Variants in CHCHD1 observed in about 807,000 individuals in gnomAD.
CHCHD1 encodes small ribosomal subunit protein mS37.
Under a neutral mutation model 12.7 loss-of-function variants are expected in CHCHD1, and 12 were observed. The observed-to-expected ratio is 0.95, with a 90% CI of 0.61 to 1.53. The LOEUF (loss-of-function observed/expected upper bound fraction) is 1.53, where lower values mean the gene tolerates loss of function less well. Ranked by LOEUF, CHCHD1 falls within the 40% of genes most tolerant of loss-of-function variation. The pLI is 0.00. For missense variants in CHCHD1, 151 were observed against 155.8 expected (o/e 0.97, Z 0.17); for synonymous variants, 57 against 62.4 (o/e 0.91, Z 0.41).
chr10:73,783,240 A>G lies in CHCHD1; in HGVS notation c.*53A>G, dbSNP rs747499979. The stretch of plus-strand genomic sequence containing the variant: ...AATATAGCTTCTGACAACTATGCAG[A>G]GGCATTTTAGAGACATTGGCATTGC... On this transcript the variant is annotated 3_prime_UTR_variant, in exon 3 of 3. Coordinates refer to ENST00000372833, the MANE Select transcript of CHCHD1 (RefSeq NM_203298.3). 3.6e-5 allele frequency: 50 copies of G among 1,390,734 alleles called. No homozygotes were observed. The highest frequency in any genetic ancestry group is 4.8e-5 in the Non-Finnish European group (47 of 984,958). The allele number at this position is 1,390,734 out of a possible 1,614,324, so 86.1% of individuals were successfully genotyped here. A position where few individuals can be genotyped will look rare whatever the true frequency, so the allele number is the denominator to read the frequency against.
chr10:73,782,389 A>C lies in CHCHD1; in HGVS notation c.191A>C (p.Asp64Ala). 1 of 1,614,204 alleles carries C rather than the reference A, an allele frequency of 6.2e-7. No homozygotes were observed. Among genetic ancestry groups the C allele is most frequent in the Non-Finnish European group, 8.5e-7 (1 of 1,180,036 alleles). ...TGGAAGCAGAATGAATTCCGCGACGATGCGTGCAGAAAAGAGATCCAGGGC... is the reference window on the plus strand; with the variant it reads ...TGGAAGCAGAATGAATTCCGCGACGCTGCGTGCAGAAAAGAGATCCAGGGC... ...ACWKQNEFRDDACRKEIQGFL... is the reference protein window; with the variant it reads ...ACWKQNEFRDAACRKEIQGFL... Residue 64 changes from aspartate (D) to alanine (A), a missense_variant, in exon 2 of 3, where the codon GAT (aspartate) becomes GCT (alanine). Coordinates refer to ENST00000372833, the MANE Select transcript of CHCHD1 (RefSeq NM_203298.3).
intron 2 of CHCHD1, 33 bp downstream of exon 2, chr10:73,782,474 AAAAG>A: frequency 6.2e-7 from 1 of 1,613,482 alleles, no homozygotes; most frequent in African/African-American, 1.3e-5. Flanking sequence ...CTTTCTCAGG[AAAAG>A]AATGGGGGAG....
rs200732409 is a variant in CHCHD1, at chr10:73,783,099, A to G, written c.269A>G (p.Gln90Arg). The G allele has an allele frequency of 4.9e-5, 79 of 1,613,818 alleles. No individual in the cohort carries two copies. Among genetic ancestry groups the G allele is most frequent in the Non-Finnish European group, 6.4e-5 (76 of 1,179,908 alleles). The change falls in exon 3 of 3, where the codon CAG (glutamine) becomes CGG (arginine). Residue 90 changes from glutamine (Q) to arginine (R), a missense_variant. Transcript: ENST00000372833. Reference protein sequence around the residue: ...AQEARKMRSIQETLGESGSLL... With the variant: ...AQEARKMRSIRETLGESGSLL... ...GAAGCCCGAAAGATGAGATCAATAC[A>G]GGAAACCCTGGGAGAGTCTGGGAGT...
intron 2 of CHCHD1, 66 bp downstream of exon 2, chr10:73,782,507 C>T (rs2083107851): frequency 3.1e-6 from 5 of 1,601,698 alleles, no homozygotes; most frequent in Non-Finnish European, 4.3e-6. Flanking sequence ...AATGATTCTC[C>T]CTGCCTTTTG....
Position 73,783,211 on chromosome 10 carries a change from C to T in CHCHD1, c.*24C>T, listed in dbSNP as rs371253267. ...GAAAATGGACAAGTATTTTCAATGA[C>T]TGAAATATAGCTTCTGACAACTATG... On this transcript the variant is annotated 3_prime_UTR_variant, in exon 3 of 3. Coordinates refer to ENST00000372833, the MANE Select transcript of CHCHD1 (RefSeq NM_203298.3). 43 of 1,538,378 alleles carry T rather than the reference C, an allele frequency of 2.8e-5. No homozygotes were observed. In the African/African-American group the frequency reaches 4.8e-4, roughly 17 times the overall value.
At chr10:73,782,631 T>G in intron 2 of CHCHD1, 190 bp downstream of exon 2, 1 of 1,392,578 alleles carries the variant, frequency 7.2e-7, no homozygotes, top group Admixed American at 3.3e-5. Flanking sequence ...CTCTGAACTT[T>G]CGAGTTACTG....
chr10:73,783,238 A>G lies in CHCHD1; in HGVS notation c.*51A>G. On this transcript the variant is annotated 3_prime_UTR_variant, in exon 3 of 3. Transcript: ENST00000372833. ...GAAATATAGCTTCTGACAACTATGCAGAGGCATTTTAGAGACATTGGCATT... is the reference window on the plus strand; with the variant it reads ...GAAATATAGCTTCTGACAACTATGCGGAGGCATTTTAGAGACATTGGCATT... The G allele has an allele frequency of 2.1e-6, 3 of 1,421,104 alleles. No individual in the cohort carries two copies. The highest frequency in any genetic ancestry group is 3.0e-6 in the Non-Finnish European group (3 of 1,011,490). The allele number at this position is 1,421,104 out of a possible 1,614,324, so 88.0% of individuals were successfully genotyped here.
At position 73,783,364 on chromosome 10, in the gene CHCHD1, C is replaced by G. The variant is rs893410141; in HGVS notation, c.*177C>G. On this transcript the variant is annotated 3_prime_UTR_variant, in exon 3 of 3. Transcript: ENST00000372833. The stretch of plus-strand genomic sequence containing the variant: ...ATGATTTATCTTGAAATAAAATCCT[C>G]TGAACAGAACTTGGCCTTTTGTTGT... 3.5e-6 allele frequency: 2 copies of G among 564,998 alleles called. No individual in the cohort carries two copies. 35.0% of individuals were successfully genotyped at this position (564,998 alleles called of 1,614,324 possible). A position where few individuals can be genotyped will look rare whatever the true frequency, so the allele number is the denominator to read the frequency against.
intron 2 of CHCHD1, 32 bp from the exon 3 acceptor site, chr10:73,783,042 C>G (rs767592041): frequency 1.3e-6 from 2 of 1,515,038 alleles, no homozygotes; most frequent in Non-Finnish European, 1.8e-6. Context: ...AACTGTAGAG[C>G]TGTCATTCTT....
chr10:73,782,717 A>G, intron 2 of CHCHD1: 1 of 768,342 alleles, frequency 1.3e-6, no homozygotes, highest in Non-Finnish European at 1.9e-6. Flanking sequence ...TGGGAAAATC[A>G]TTTTGAAAAA....
Position 73,782,499 on chromosome 10 carries a change from T to C in CHCHD1, c.243+58T>C, listed in dbSNP as rs778371967. The C allele has an allele frequency of 2.5e-6, 4 of 1,607,774 alleles. No individual in the cohort carries two copies. The South Asian group carries it at 4.4e-5, about 18-fold the overall frequency. Reference sequence around the variant, plus strand: ...AAAAGAATGGGGGAGATAGAAGTAATGATTCTCCCTGCCTTTTGCTAGGAA... The same window carrying C: ...AAAAGAATGGGGGAGATAGAAGTAACGATTCTCCCTGCCTTTTGCTAGGAA... On this transcript the variant is annotated intron_variant, in intron 2 of 2. Coordinates refer to ENST00000372833, the MANE Select transcript of CHCHD1 (RefSeq NM_203298.3).
chr10:73,782,702 A>C (rs545895106), intron 2 of CHCHD1: 1 of 855,282 alleles, frequency 1.2e-6, no homozygotes, highest in African/African-American at 1.7e-5. Context: ...AGATGAAGTA[A>C]TGAATGGGAA....
In CHCHD1 at chr10:73,783,409, T is replaced by C; in HGVS notation, c.*222T>C. 2.1e-6 allele frequency: 1 copy of C among 484,752 alleles called. No homozygotes were observed. The highest frequency in any genetic ancestry group is 3.7e-6 in the Non-Finnish European group (1 of 271,650). 30.0% of individuals were successfully genotyped at this position (484,752 alleles called of 1,614,324 possible). On this transcript the variant is annotated 3_prime_UTR_variant, in exon 3 of 3. Transcript: ENST00000372833. ...TGTTGTGAATTAGGTACTCTCTTCA[T>C]TCTTGAGCCTCCCCTAGACCCTGGA...
intron 2 of CHCHD1, 150 bp downstream of exon 2, chr10:73,782,591 G>C (rs990199635): frequency 1.4e-6 from 2 of 1,467,224 alleles, no homozygotes; most frequent in Admixed American, 5.6e-5. Flanking sequence ...AGTTTTGAAG[G>C]CTGTGTGATC....
intron 2 of CHCHD1, chr10:73,782,687 G>T: frequency 1.0e-6 from 1 of 988,144 alleles, no homozygotes; most frequent in East Asian, 3.0e-5. Flanking sequence ...AATGTTGTGA[G>T]TGTCAGATGA....
Position 73,783,309 on chromosome 10 carries a change from C to T in CHCHD1, c.*122C>T. 1 of 652,334 alleles carries T rather than the reference C, an allele frequency of 1.5e-6. No individual in the cohort carries two copies. The highest frequency in any genetic ancestry group is 2.6e-6 in the Non-Finnish European group (1 of 377,664). The allele number at this position is 652,334 out of a possible 1,614,324, so 40.4% of individuals were successfully genotyped here. ...TAGAAGAGGCAAAACACTTTTTTCACCCTTTGGAATCATAGTATGGGTAGA... is the reference window on the plus strand; with the variant it reads ...TAGAAGAGGCAAAACACTTTTTTCATCCTTTGGAATCATAGTATGGGTAGA... On this transcript the variant is annotated 3_prime_UTR_variant, in exon 3 of 3. Transcript: ENST00000372833.
In CHCHD1 at chr10:73,782,191, A is replaced by G; in HGVS notation, c.116A>G (p.Glu39Gly). The change falls in exon 1 of 3, where the codon GAG (glutamate) becomes GGG (glycine). Residue 39 changes from glutamate (E) to glycine (G), a missense_variant. Glu to Gly is a moderately conservative substitution (Grantham distance 98). Coordinates refer to ENST00000372833, the MANE Select transcript of CHCHD1 (RefSeq NM_203298.3). The part of the protein sequence containing the change: ...LANRVGERRR[E>G]KGEATCITEM... ...AACCGCGTCGGGGAGCGGCGCCGGG[A>G]GAAGGGCGGTGAGCAGTCGGAGTCA... The G allele has an allele frequency of 6.2e-7, 1 of 1,613,888 alleles. No homozygotes were observed.
At position 73,782,132 on chromosome 10, in the gene CHCHD1, T is replaced by C. The variant is rs772423746; in HGVS notation, c.57T>C (p.Pro19=). Residue 19 remains proline (P), a synonymous_variant, in exon 1 of 3, where the codon CCT becomes CCC. Coordinates refer to ENST00000372833, the MANE Select transcript of CHCHD1 (RefSeq NM_203298.3). The part of the protein sequence containing the change: ...RLARFGNPRK[P]VLKPNKPLIL... ...CGCGGTTTGGGAACCCGCGGAAGCCTGTGCTGAAGCCCAATAAACCTCTCA... is the reference window on the plus strand; with the variant it reads ...CGCGGTTTGGGAACCCGCGGAAGCCCGTGCTGAAGCCCAATAAACCTCTCA... The C allele has an allele frequency of 1.9e-6, 3 of 1,613,674 alleles. No homozygotes were observed. In the South Asian group the frequency reaches 3.3e-5, roughly 18 times the overall value.
chr10:73,782,961 G>T, intron 2 of CHCHD1, 113 bp from the exon 3 acceptor site: 2 of 816,316 alleles, frequency 2.5e-6, no homozygotes, highest in Non-Finnish European at 4.2e-6. Flanking sequence ...GAGAACTATG[G>T]GCCTACATCA....
Sources: gnomAD v4.1 joint callset for allele counts on GRCh38, gnomAD v4.1.1 for gene constraint, MANE v1.5 for transcripts, NCBI Gene and HGNC (gene_info 2026-07-23, HGNC 2026-07-21) for gene names.